The following CPA6 variants were observed in gnomAD, a reference collection of about 807,000 sequenced individuals.
CPA6 encodes the protein carboxypeptidase B.
In CPA6, 58 loss-of-function variants were observed where a neutral mutation model predicts 63.3. The ratio of observed to expected loss-of-function variants is 0.92; its 90% CI spans 0.74 to 1.14. The LOEUF (loss-of-function observed/expected upper bound fraction) is 1.14. Among genes scored for constraint, CPA6 ranks in the 50% most tolerant of loss-of-function variants. The pLI is 0.00. For synonymous variants in CPA6, 185 were observed against 179.0 expected (o/e 1.03, Z -0.27); for missense variants, 565 against 526.6 (o/e 1.07, Z -0.71).
chr8:67,460,706 T>A (rs929961059), intron 8 of CPA6, among the ~76,000 whole-genome samples: 24 of 152,382 alleles, frequency 1.6e-4, no homozygotes, highest in African/African-American at 5.8e-4. Flanking sequence ...AACAAATTTA[T>A]TGCATTATAA....
intron 2 of CPA6, among the ~76,000 whole-genome samples, chr8:67,555,434 G>C (rs533034030): frequency 6.6e-6 from 1 of 152,322 alleles, no homozygotes; most frequent in East Asian, 1.9e-4. Flanking sequence ...ATATGGAGGA[G>C]CTGGGAAGGT....
intron 10 of CPA6, among the ~76,000 whole-genome samples, chr8:67,427,721 G>C (rs1374061510): frequency 6.6e-6 from 1 of 152,100 alleles, no homozygotes; most frequent in African/African-American, 2.4e-5. Flanking sequence ...TCTTCCCAAG[G>C]CCCGTTTCCA....
intron 1 of CPA6, among the ~76,000 whole-genome samples, chr8:67,634,786 T>A (rs563882857): frequency 2.0e-5 from 3 of 151,810 alleles, no homozygotes; most frequent in Non-Finnish European, 4.4e-5. Flanking sequence ...CTGCTGGTGA[T>A]GAGTTTATAG....
chr8:67,644,273 C>T (rs1044222586), intron 1 of CPA6, among the ~76,000 whole-genome samples: 5 of 152,170 alleles, frequency 3.3e-5, no homozygotes, highest in Admixed American at 6.5e-5. Context: ...CGCCCGCCAC[C>T]ACGCCTGGCT....
intron 8 of CPA6, among the ~76,000 whole-genome samples, chr8:67,435,696 A>C (rs1342375581): frequency 1.3e-5 from 2 of 151,984 alleles, no homozygotes; most frequent in Non-Finnish European, 2.9e-5. Flanking sequence ...AGGGCAGCCA[A>C]GGGCAGGGAT....
chr8:67,504,159 C>T (rs181834859), intron 6 of CPA6, among the ~76,000 whole-genome samples: 8 of 152,296 alleles, frequency 5.3e-5, no homozygotes, highest in Admixed American at 5.2e-4. Context: ...GGTTGCCTGA[C>T]TTCCAACTGT....
chr8:67,621,185 T>C (rs1335660024), intron 2 of CPA6, among the ~76,000 whole-genome samples: 1 of 152,230 alleles, frequency 6.6e-6, no homozygotes, highest in East Asian at 1.9e-4. Context: ...GAGAGGCCTC[T>C]TGGAAGCTTG....
intron 1 of CPA6, among the ~76,000 whole-genome samples, chr8:67,683,614 G>A (rs969960292): frequency 6.6e-6 from 1 of 152,034 alleles, no homozygotes; most frequent in Non-Finnish European, 1.5e-5. Context: ...ACTCATCAAT[G>A]TTATTTGTCT....
At chr8:67,657,857 G>T (rs768606259) in intron 1 of CPA6, among the ~76,000 whole-genome samples, 5 of 152,088 alleles carry the variant, frequency 3.3e-5, no homozygotes, top group African/African-American at 7.2e-5. Context: ...CACTCTCCCT[G>T]CAGCCACCAG....
In CPA6 at chr8:67,746,041, C is replaced by T. The variant is rs779189009; in HGVS notation, c.89G>A (p.Ser30Asn). Residue 30 changes from serine to asparagine, a missense_variant, in exon 1 of 11, where the codon AGC becomes AAC. Coordinates refer to ENST00000297770, the MANE Select transcript of CPA6 (RefSeq NM_020361.5). The stretch of plus-strand genomic sequence containing the variant: ...AGCATAGCGGTTGTTATAAAGGTGG[C>T]TGTGCCCCGGTTGCAGAATCTTCAA... ...LFLKILQPGH[S>N]HLYNNRYAGD... 11 of 1,613,480 alleles carry T rather than the reference C, an allele frequency of 6.8e-6. No homozygotes were observed. Among genetic ancestry groups the T allele is most frequent in the Non-Finnish European group, 8.5e-7 (1 of 1,179,660 alleles).
chr8:67,746,149 T>A lies in CPA6; in HGVS notation c.-20A>T. 1 of 1,585,342 alleles carries A rather than the reference T, an allele frequency of 6.3e-7. No homozygotes were observed. Among genetic ancestry groups the A allele is most frequent in the Non-Finnish European group, 8.6e-7 (1 of 1,159,768 alleles). On this transcript the variant is annotated 5_prime_UTR_variant, in exon 1 of 11. Coordinates refer to ENST00000297770, the MANE Select transcript of CPA6 (RefSeq NM_020361.5). ...CTTCATAGTGTTAAGAAGAGAGGAGTTGAAAGTTACTTAAGCAGCCACCCG... is the reference window on the plus strand; with the variant it reads ...CTTCATAGTGTTAAGAAGAGAGGAGATGAAAGTTACTTAAGCAGCCACCCG...
chr8:67,659,207 G>A (rs549371978), intron 1 of CPA6, among the ~76,000 whole-genome samples: 1 of 152,196 alleles, frequency 6.6e-6, no homozygotes, highest in South Asian at 2.1e-4. Context: ...CTCTATAAAG[G>A]GCCTGGAGTC....
intron 2 of CPA6, among the ~76,000 whole-genome samples, chr8:67,534,496 G>C (rs1812542189): frequency 6.6e-6 from 1 of 152,024 alleles, no homozygotes; most frequent in Admixed American, 6.6e-5. Context: ...TTGTAAATTG[G>C]TTATCAACCT....
chr8:67,694,694 A>G (rs1234463978), intron 1 of CPA6, among the ~76,000 whole-genome samples: 1 of 152,198 alleles, frequency 6.6e-6, no homozygotes, highest in Admixed American at 6.5e-5. Flanking sequence ...GGAAGAGAAG[A>G]CTAGGGCCTG....
intron 2 of CPA6, among the ~76,000 whole-genome samples, chr8:67,566,890 G>C (rs1813350586): frequency 6.6e-6 from 1 of 152,218 alleles, no homozygotes; most frequent in African/African-American, 2.4e-5. Context: ...TGGGAAAGTA[G>C]AAGGCTGTTC....
chr8:67,432,541 C>T (rs903108676), intron 9 of CPA6, among the ~76,000 whole-genome samples: 3 of 152,124 alleles, frequency 2.0e-5, no homozygotes, highest in African/African-American at 4.8e-5. Flanking sequence ...CTCACTGCAG[C>T]CCTGACCTCA....
chr8:67,727,624 G>T (rs2129002579), intron 1 of CPA6, among the ~76,000 whole-genome samples: 1 of 152,316 alleles, frequency 6.6e-6, no homozygotes, highest in South Asian at 2.1e-4. Context: ...TGCCCAGACA[G>T]ACTTTTCATT....
chr8:67,548,253 TC>T (rs1436018127), intron 2 of CPA6, among the ~76,000 whole-genome samples: 1 of 146,946 alleles, frequency 6.8e-6, no homozygotes, highest in Non-Finnish European at 1.5e-5. Context: ...TCTTTTCTTT[TC>T]TTTTTTTTTT....
chr8:67,645,232 G>A (rs1032747455), intron 1 of CPA6, among the ~76,000 whole-genome samples: 3 of 152,194 alleles, frequency 2.0e-5, no homozygotes, highest in Admixed American at 2.0e-4. Flanking sequence ...AAAATAGGAC[G>A]GGAAAGTCTA....
Sources: allele counts gnomAD v4.1 joint callset (sites outside exome capture counted in the v4.1 genomes callset), GRCh38; gene constraint gnomAD v4.1.1; transcripts MANE v1.5; gene names NCBI Gene and HGNC (gene_info 2026-07-23, HGNC 2026-07-21).